The following GDA variants were observed in gnomAD, a reference collection of about 807,000 sequenced individuals.
The protein encoded by GDA is guanine deaminase, also known as cytoplasmic PSD-95 interactor.
In GDA, 18 loss-of-function variants were observed where a neutral mutation model predicts 59.6. The ratio of observed to expected loss-of-function variants is 0.30; its 90% CI spans 0.21 to 0.45. The LOEUF is 0.45. Ranked by LOEUF, GDA falls within the 20% of genes least tolerant of loss-of-function variation. GDA has a pLI of 1.00. For synonymous variants in GDA, 201 were observed against 201.1 expected (o/e 1.00, Z 0.00); for missense variants, 427 against 552.3 (o/e 0.77, Z 2.27).
Position 72,248,698 on chromosome 9 carries a change from A to G in GDA, c.*356A>G, listed in dbSNP as rs1840404048. On this transcript the variant is annotated 3_prime_UTR_variant, in exon 14 of 14. Coordinates refer to ENST00000358399, the MANE Select transcript of GDA (RefSeq NM_004293.5). ...AAAGAAAAGATGTTCCTAAAAGGTT[A>G]GATATTTTGAGCTAATAATTGCAAA... 3 of 1,021,320 alleles carry G rather than the reference A, an allele frequency of 2.9e-6. 1 individual carries two copies. The East Asian group carries it at 2.6e-4, about 90-fold the overall frequency. The allele number at this position is 1,021,320 out of a possible 1,614,324, so 63.3% of individuals were successfully genotyped here.
At chr9:72,219,045 T>A (rs1361167080) in intron 5 of GDA, among the ~76,000 whole-genome samples, 1 of 152,132 alleles carries the variant, frequency 6.6e-6, no homozygotes, top group Non-Finnish European at 1.5e-5. Context: ...ATGTGCAGCA[T>A]TAGAAATGTT....
intron 2 of GDA, among the ~76,000 whole-genome samples, chr9:72,198,489 A>T (rs1233710503): frequency 6.6e-6 from 1 of 151,402 alleles, no homozygotes; most frequent in South Asian, 2.1e-4. Context: ...CAGTGAGCCG[A>T]GATCGCACCA....
At chr9:72,252,737 C>G (rs916724752), downstream of GDA, among the ~76,000 whole-genome samples, 2 of 152,174 alleles carry the variant, frequency 1.3e-5, no homozygotes, top group Non-Finnish European at 2.9e-5. Flanking sequence ...AAGCAATATT[C>G]CAGTATCTTT....
chr9:72,201,193 AT>A lies in GDA; in HGVS notation c.213-1363del, dbSNP rs34021514. On this transcript the variant is annotated intron_variant, in intron 2 of 13. Transcript: ENST00000358399. ...ATAAGGGGAAACTGAGTCACACAGA[AT>A]TTTTTTTTTTTTTTAATATGTCAAA... 7.7e-3 allele frequency among the ~76,000 whole-genome samples: 1,151 copies of A among 148,806 alleles called. 16 individuals carry two copies. The highest frequency in any genetic ancestry group is 0.024 in the African/African-American group (972 of 40,470).
intron 1 of GDA, among the ~76,000 whole-genome samples, chr9:72,120,188 A>ATTT: frequency 2.9e-5 from 3 of 103,630 alleles, no homozygotes; most frequent in Non-Finnish European, 6.4e-5. Context: ...GAGATGCAGC[A>ATTT]TTCTTTTTTT....
At chr9:72,208,972 C>G (rs1451239023) in intron 3 of GDA, among the ~76,000 whole-genome samples, 1 of 151,840 alleles carries the variant, frequency 6.6e-6, no homozygotes, top group Admixed American at 6.6e-5. Context: ...TAATTATTTA[C>G]TTAGGATTTT....
At chr9:72,129,119 C>T (rs746004214) in intron 1 of GDA, among the ~76,000 whole-genome samples, 8 of 152,118 alleles carry the variant, frequency 5.3e-5, no homozygotes, top group Non-Finnish European at 1.0e-4. Context: ...TGCGCCACCA[C>T]ATCCCGCTAA....
chr9:72,211,722 A>G (rs986777884), intron 4 of GDA, among the ~76,000 whole-genome samples: 3 of 152,230 alleles, frequency 2.0e-5, no homozygotes, highest in African/African-American at 7.2e-5. Context: ...TCTTCTAGAT[A>G]GGGGAAGGAC....
chr9:72,161,668 T>C (rs1052500775), intron 1 of GDA, among the ~76,000 whole-genome samples: 7 of 152,238 alleles, frequency 4.6e-5, no homozygotes, highest in African/African-American at 1.4e-4. Flanking sequence ...ATTAAGTGTT[T>C]GCTTTTTCAT....
Position 72,225,760 on chromosome 9 carries a change from T to TA in GDA, c.803dup (p.Asn268LysfsTer7). On this transcript the variant is annotated frameshift_variant, in exon 8 of 14. Coordinates refer to ENST00000358399, the MANE Select transcript of GDA (RefSeq NM_004293.5). LOFTEE classifies it high-confidence loss of function. ...ATAAAAACTACACATCTGTGTATGA[T>TA]AAAAACAATCTTTTGACAAATAAGG... is the stretch of plus-strand genomic sequence containing the variant. The TA allele has an allele frequency of 1.4e-6, 2 of 1,436,608 alleles. No homozygotes were observed. The highest frequency in any genetic ancestry group is 1.8e-5 in the Admixed American group (1 of 54,432). The allele number at this position is 1,436,608 out of a possible 1,614,324, so 89.0% of individuals were successfully genotyped here. A position where few individuals can be genotyped will look rare whatever the true frequency, so the allele number is the denominator to read the frequency against.
chr9:72,114,629 T>G (rs1200460981), exon 1 of GDA: 1 of 151,684 alleles, frequency 6.6e-6, no homozygotes, highest in Non-Finnish European at 1.5e-5. Context: ...TAGCCGGGAC[T>G]ACAGGCACCC....
chr9:72,157,073 C>CT (rs1827991903), intron 1 of GDA, among the ~76,000 whole-genome samples: 2 of 106,690 alleles, frequency 1.9e-5, no homozygotes, highest in South Asian at 6.7e-4. Context: ...GAGTTTCACT[C>CT]TTGTTGCCTA....
At chr9:72,142,997 G>A (rs972137675) in intron 1 of GDA, among the ~76,000 whole-genome samples, 10 of 151,756 alleles carry the variant, frequency 6.6e-5, no homozygotes, top group Non-Finnish European at 1.2e-4. Flanking sequence ...TCGAACTCCC[G>A]ACCTCAGATG....
At chr9:72,223,565 T>G (rs1192947934) in intron 7 of GDA, among the ~76,000 whole-genome samples, 2 of 152,248 alleles carry the variant, frequency 1.3e-5, no homozygotes, top group South Asian at 2.1e-4. Context: ...ATTTATTTCC[T>G]ACTTCTCTTT....
chr9:72,151,412 A>G (rs1365801173), intron 1 of GDA, among the ~76,000 whole-genome samples: 1 of 152,192 alleles, frequency 6.6e-6, no homozygotes, highest in Non-Finnish European at 1.5e-5. Flanking sequence ...GGCTGTGTTT[A>G]AAGAGAGAGC....
chr9:72,131,089 G>C (rs142578008), intron 1 of GDA, among the ~76,000 whole-genome samples: 2 of 152,266 alleles, frequency 1.3e-5, no homozygotes, highest in African/African-American at 2.4e-5. Flanking sequence ...CCTAGGAAAA[G>C]GTAGCAAAGA....
At chr9:72,176,032 A>G (rs1830507791) in intron 1 of GDA, among the ~76,000 whole-genome samples, 1 of 152,210 alleles carries the variant, frequency 6.6e-6, no homozygotes, top group Non-Finnish European at 1.5e-5. Context: ...GTTTCTGTGC[A>G]TCCAGGAATC....
intron 1 of GDA, among the ~76,000 whole-genome samples, chr9:72,156,102 T>A (rs566246133): frequency 1.3e-5 from 2 of 152,272 alleles, no homozygotes; most frequent in Admixed American, 6.5e-5. Context: ...CTTACATATG[T>A]AAGGTTGGAA....
In GDA at chr9:72,205,153, G is replaced by T. The variant is rs971349524; in HGVS notation, c.384+2411G>T. On this transcript the variant is annotated intron_variant, in intron 3 of 13. Transcript: ENST00000358399. The stretch of plus-strand genomic sequence containing the variant: ...AAAAATTGCGGAGCACATATCCTAT[G>T]TTCTTTCTTATGTGTCTGATAATGA... Among the ~76,000 whole-genome samples the T allele has an allele frequency of 2.7e-5, 4 of 149,532 alleles. No homozygotes were observed. In the South Asian group the frequency reaches 6.4e-4, roughly 24 times the overall value.
Sources: allele counts gnomAD v4.1 joint callset (sites outside exome capture counted in the v4.1 genomes callset), GRCh38; gene constraint gnomAD v4.1.1; transcripts MANE v1.5; gene names NCBI Gene and HGNC (gene_info 2026-07-23, HGNC 2026-07-21).